The following DPP10 variants were observed in gnomAD, a reference collection of about 807,000 sequenced individuals.
The protein encoded by DPP10 is inactive dipeptidyl peptidase 10.
DPP10 carries 33 observed loss-of-function variants against 120.9 expected under a neutral mutation model. The observed-to-expected ratio is 0.27, with a 90% CI of 0.21 to 0.37. The LOEUF is 0.37. DPP10 is among the 10% of genes least tolerant of loss of function. The pLI is 1.00. For synonymous variants in DPP10, 337 were observed against 326.1 expected (o/e 1.03, Z -0.36); for missense variants, 816 against 942.8 (o/e 0.87, Z 1.76).
intron 1 of DPP10, among the ~76,000 whole-genome samples, chr2:115,282,788 G>T (rs1392025383): frequency 6.6e-6 from 1 of 151,964 alleles, no homozygotes; most frequent in Non-Finnish European, 1.5e-5. Flanking sequence ...TAGCATCCTC[G>T]GATTTTAACA....
chr2:114,690,898 A>C (rs928662246), intron 1 of DPP10, among the ~76,000 whole-genome samples: 1 of 151,914 alleles, frequency 6.6e-6, no homozygotes, highest in Non-Finnish European at 1.5e-5. Flanking sequence ...GAATGCTAGC[A>C]ATTTTTGCAC....
intron 1 of DPP10, among the ~76,000 whole-genome samples, chr2:115,087,791 T>TC (rs1171586405): frequency 6.6e-6 from 1 of 151,938 alleles, no homozygotes; most frequent in Non-Finnish European, 1.5e-5. Flanking sequence ...TGACCTCAGG[T>TC]CATCTGCCCA....
chr2:114,508,961 G>A (rs975105713), intron 1 of DPP10, among the ~76,000 whole-genome samples: 6 of 151,892 alleles, frequency 4.0e-5, no homozygotes, highest in East Asian at 1.9e-4. Flanking sequence ...AATTTGAGTC[G>A]AATACCAAGA....
At chr2:114,806,341 A>T (rs1170394787) in intron 1 of DPP10, among the ~76,000 whole-genome samples, 1 of 152,228 alleles carries the variant, frequency 6.6e-6, no homozygotes, top group Non-Finnish European at 1.5e-5. Context: ...CATCTCAGAA[A>T]GTTTGAATGG....
intron 21 of DPP10, among the ~76,000 whole-genome samples, chr2:115,816,505 G>A (rs938377272): frequency 7.9e-5 from 12 of 152,090 alleles, no homozygotes; most frequent in African/African-American, 2.7e-4. Flanking sequence ...CTCTCTGCAC[G>A]ATATTTACTT....
intron 2 of DPP10, among the ~76,000 whole-genome samples, chr2:115,321,186 C>A (rs954276829): frequency 6.6e-6 from 1 of 151,868 alleles, no homozygotes; most frequent in Non-Finnish European, 1.5e-5. Context: ...CTGTAATCCC[C>A]GCTCCTTGGG....
At chr2:115,147,148 T>C (rs528586972) in intron 1 of DPP10, among the ~76,000 whole-genome samples, 33 of 151,234 alleles carry the variant, frequency 2.2e-4, no homozygotes, top group African/African-American at 7.7e-4. Flanking sequence ...TTTACTATAC[T>C]ATATATACTA....
At chr2:114,694,545 C>A (rs957015687) in intron 1 of DPP10, among the ~76,000 whole-genome samples, 1 of 151,894 alleles carries the variant, frequency 6.6e-6, no homozygotes, top group East Asian at 1.9e-4. Context: ...AATATGTGTT[C>A]TCTTTGAGTT....
chr2:114,988,069 G>A (rs1198383175), intron 1 of DPP10, among the ~76,000 whole-genome samples: 4 of 152,130 alleles, frequency 2.6e-5, no homozygotes, highest in Non-Finnish European at 5.9e-5. Flanking sequence ...CTCCCAAAGT[G>A]CTGGGATTAC....
chr2:114,665,433 C>T (rs1697851094), intron 1 of DPP10, among the ~76,000 whole-genome samples: 1 of 152,194 alleles, frequency 6.6e-6, no homozygotes, highest in South Asian at 2.1e-4. Flanking sequence ...GTAATGCCGC[C>T]TATGACTGCT....
At chr2:114,577,751 T>C (rs1690175649) in intron 1 of DPP10, among the ~76,000 whole-genome samples, 1 of 152,178 alleles carries the variant, frequency 6.6e-6, no homozygotes, top group Admixed American at 6.5e-5. Context: ...CTGAGGGCTG[T>C]GAGAAGGAGC....
chr2:114,877,510 T>C (rs1392882567), intron 1 of DPP10, among the ~76,000 whole-genome samples: 1 of 152,058 alleles, frequency 6.6e-6, no homozygotes, highest in Non-Finnish European at 1.5e-5. Context: ...TTGAACTCAC[T>C]GTGAGCCTTG....
intron 1 of DPP10, among the ~76,000 whole-genome samples, chr2:114,981,204 A>G (rs909166722): frequency 6.6e-6 from 1 of 152,184 alleles, no homozygotes; most frequent in Admixed American, 6.5e-5. Context: ...CTGGGGCTAT[A>G]CGATGTCTGT....
At chr2:115,343,325 TGG>T (rs1359151139) in intron 2 of DPP10, among the ~76,000 whole-genome samples, 16 of 152,184 alleles carry the variant, frequency 1.1e-4, no homozygotes, top group African/African-American at 3.9e-4. Flanking sequence ...ATTTTTTTGG[TGG>T]AAGTAGGTAA....
intron 1 of DPP10, among the ~76,000 whole-genome samples, chr2:115,096,004 A>G (rs1709712973): frequency 6.6e-6 from 1 of 152,154 alleles, no homozygotes; most frequent in South Asian, 2.1e-4. Flanking sequence ...CCAATGTCTT[A>G]TCTATCTTTA....
At chr2:114,974,452 C>G (rs1699617340) in intron 1 of DPP10, among the ~76,000 whole-genome samples, 1 of 141,534 alleles carries the variant, frequency 7.1e-6, no homozygotes, top group Non-Finnish European at 1.5e-5. Context: ...GAGTCTCACT[C>G]TGTCACCCAG....
intron 21 of DPP10, among the ~76,000 whole-genome samples, chr2:115,820,576 A>G (rs2150058335): frequency 6.6e-6 from 1 of 151,998 alleles, no homozygotes; most frequent in East Asian, 1.9e-4. Flanking sequence ...TTCATCCCTT[A>G]CCCACCTCTC....
intron 1 of DPP10, among the ~76,000 whole-genome samples, chr2:114,513,035 G>A (rs1684278660): frequency 6.6e-6 from 1 of 152,054 alleles, no homozygotes; most frequent in Admixed American, 6.6e-5. Flanking sequence ...GGGAGGGAAG[G>A]GAGGAGAAAA....
chr2:115,287,526 A>G (rs572089658), intron 1 of DPP10, among the ~76,000 whole-genome samples: 1 of 152,200 alleles, frequency 6.6e-6, no homozygotes, highest in East Asian at 1.9e-4. Flanking sequence ...GCTCCCATTT[A>G]TAAGTGAGAA....
Sources: gnomAD v4.1 joint callset for allele counts (sites outside exome capture counted in the v4.1 genomes callset) on GRCh38, gnomAD v4.1.1 for gene constraint, MANE v1.5 for transcripts, NCBI Gene and HGNC (gene_info 2026-07-23, HGNC 2026-07-21) for gene names.